The following LHX8 variants were observed in gnomAD, a reference collection of about 807,000 sequenced individuals.
LHX8 encodes LIM/homeobox protein Lhx8.
A neutral mutation model predicts 40.3 loss-of-function variants in LHX8; 12 were observed. That is an observed-to-expected ratio of 0.30 (90% CI 0.19 to 0.48). The LOEUF (loss-of-function observed/expected upper bound fraction) is 0.48. Among genes scored for constraint, LHX8 ranks in the 20% least tolerant of loss-of-function variants. The pLI, the probability that LHX8 is intolerant of heterozygous loss-of-function variation, is 0.99. For synonymous variants in LHX8, 179 were observed against 162.0 expected (o/e 1.10, Z -0.80); for missense variants, 344 against 433.7 (o/e 0.79, Z 1.84).
At chr1:75,159,872 T>G (rs1648871155) in intron 8 of LHX8, 1 of 152,208 alleles carries the variant, frequency 6.6e-6, no homozygotes, top group Non-Finnish European at 1.5e-5. Flanking sequence ...GCACAAATCC[T>G]TAAGAGGGCT....
At chr1:75,179,502 G>GTTTTTT in the LHX8 span, among the ~76,000 whole-genome samples, 24 of 108,464 alleles carry the variant, frequency 2.2e-4, no homozygotes, top group Non-Finnish European at 2.8e-4. Context: ...AACCCCTGTT[G>GTTTTTT]TTTTTTTTTT....
At chr1:75,191,920 T>C in the LHX8 span, among the ~76,000 whole-genome samples, 1 of 152,178 alleles carries the variant, frequency 6.6e-6, no homozygotes, top group Non-Finnish European at 1.5e-5. Flanking sequence ...TTAGAATTGA[T>C]TCTTGCAGAA....
chr1:75,164,144 T>C (rs1557498163), downstream of LHX8, among the ~76,000 whole-genome samples: 1 of 152,252 alleles, frequency 6.6e-6, no homozygotes, highest in East Asian at 1.9e-4. Flanking sequence ...TATCTAACTT[T>C]TTATTATTAT....
chr1:75,130,486 GC>G (rs1408624591), upstream of LHX8: 7 of 600,306 alleles, frequency 1.2e-5, no homozygotes, highest in African/African-American at 1.1e-4. Flanking sequence ...CGTGGAGCAG[GC>G]TTGCCCAGCT....
At chr1:75,173,133 T>A in the LHX8 span, among the ~76,000 whole-genome samples, 1 of 152,112 alleles carries the variant, frequency 6.6e-6, no homozygotes, top group South Asian at 2.1e-4. Flanking sequence ...GCAAGATATC[T>A]AGGAAAAAGA....
the LHX8 span, among the ~76,000 whole-genome samples, chr1:75,175,043 T>C: frequency 6.6e-6 from 1 of 152,244 alleles, no homozygotes; most frequent in Admixed American, 6.5e-5. Context: ...CTCCTGCTTA[T>C]GAGTGAGAAC....
At chr1:75,133,249 C>T (rs946271100), upstream of LHX8, among the ~76,000 whole-genome samples, 5 of 152,160 alleles carry the variant, frequency 3.3e-5, no homozygotes, top group Non-Finnish European at 5.9e-5. Context: ...GAGAAAAATG[C>T]AATGGAGGAA....
At chr1:75,174,092 C>T in the LHX8 span, among the ~76,000 whole-genome samples, 1 of 152,036 alleles carries the variant, frequency 6.6e-6, no homozygotes. Flanking sequence ...GATGTTCAAC[C>T]TGTACTTCCT....
At chr1:75,173,715 A>G in the LHX8 span, among the ~76,000 whole-genome samples, 3 of 152,118 alleles carry the variant, frequency 2.0e-5, no homozygotes, top group Non-Finnish European at 4.4e-5. Flanking sequence ...ATGCTATCCT[A>G]TCTCCAAAAA....
At position 75,156,861 on chromosome 1, in the gene LHX8, T is replaced by A. The variant is rs1157080430; in HGVS notation, c.781-32T>A. 2.1e-5 allele frequency: 33 copies of A among 1,608,466 alleles called. No homozygotes were observed. The Admixed American group carries it at 4.0e-4, about 19-fold the overall frequency. ...TGTGCTCAGAAGCTGGTGTGTAACC[T>A]ACCTACTTCTGTTGCTTTTCTCCCT... On this transcript the variant is annotated intron_variant, in intron 7 of 8. Transcript: ENST00000356261.
At chr1:75,185,124 C>T in the LHX8 span, among the ~76,000 whole-genome samples, 12 of 148,374 alleles carry the variant, frequency 8.1e-5, no homozygotes, top group South Asian at 2.5e-3. Flanking sequence ...AGCCTACTAG[C>T]CAAAAAAAAA....
At chr1:75,167,504 C>A in the LHX8 span, among the ~76,000 whole-genome samples, 4 of 152,118 alleles carry the variant, frequency 2.6e-5, no homozygotes, top group African/African-American at 7.2e-5. Context: ...CTAACAATTC[C>A]TCATCATCCA....
chr1:75,170,265 A>G, the LHX8 span, among the ~76,000 whole-genome samples: 3 of 152,312 alleles, frequency 2.0e-5, no homozygotes, highest in Admixed American at 6.5e-5. Flanking sequence ...TGAGTAAGTG[A>G]TATAAAATTC....
At chr1:75,137,413 C>T (rs895533586) in intron 3 of LHX8, 152 bp downstream of exon 3, 5 of 733,086 alleles carry the variant, frequency 6.8e-6, no homozygotes, top group Non-Finnish European at 1.2e-5. Flanking sequence ...TTTAGGGCAA[C>T]TCATGCGGTG....
At chr1:75,153,790 A>G (rs1570301849) in intron 7 of LHX8, among the ~76,000 whole-genome samples, 1 of 152,126 alleles carries the variant, frequency 6.6e-6, no homozygotes, top group Non-Finnish European at 1.5e-5. Context: ...TATTGTTTCA[A>G]TTATTTACGC....
intron 1 of LHX8, among the ~76,000 whole-genome samples, chr1:75,135,991 A>T (rs142006063): frequency 0.011 from 1,697 of 152,286 alleles, 12 homozygotes; most frequent in Non-Finnish European, 0.016. Context: ...TTTTCATTCA[A>T]ATTGTCATCG....
chr1:75,129,754 T>C (rs1336415758), upstream of LHX8, among the ~76,000 whole-genome samples: 1 of 152,000 alleles, frequency 6.6e-6, no homozygotes, highest in Non-Finnish European at 1.5e-5. Flanking sequence ...CCTGGGGAAG[T>C]GGGAAAACGG....
At chr1:75,143,372 G>A in intron 5 of LHX8, 34 bp downstream of exon 5, 1 of 1,494,096 alleles carries the variant, frequency 6.7e-7, no homozygotes, top group Non-Finnish European at 9.2e-7. Context: ...TGAGTCTTTT[G>A]AGACAGTGAA....
the LHX8 span, among the ~76,000 whole-genome samples, chr1:75,196,527 G>A: frequency 0.12 from 17,767 of 152,064 alleles, 1,726 homozygotes; most frequent in African/African-American, 0.26. Flanking sequence ...TTCCCTTTGA[G>A]GATTGCATTA....
Sources: allele counts gnomAD v4.1 joint callset (sites outside exome capture counted in the v4.1 genomes callset), GRCh38; gene constraint gnomAD v4.1.1; transcripts MANE v1.5; gene names NCBI Gene and HGNC (gene_info 2026-07-23, HGNC 2026-07-21).